The following MCFD2 variants were observed in gnomAD, a reference collection of about 807,000 sequenced individuals.
MCFD2 encodes the protein multiple coagulation factor deficiency 2, ER cargo receptor complex subunit, also known as multiple coagulation factor deficiency protein 2.
MCFD2 carries 11 observed loss-of-function variants against 12.8 expected under a neutral mutation model. The ratio of observed to expected loss-of-function variants is 0.86; its 90% confidence interval spans 0.54 to 1.42. The LOEUF is 1.42. Ranked by LOEUF, MCFD2 falls within the 40% of genes most tolerant of loss-of-function variation. The probability of loss-of-function intolerance (pLI) is 0.00; values close to 1 mark genes in which losing one functional copy is unlikely to be tolerated. For missense variants in MCFD2, 191 were observed against 178.6 expected, an observed-to-expected ratio of 1.07 and a Z score of -0.40; for synonymous variants, 70 against 68.1, an observed-to-expected ratio of 1.03 and a Z score of -0.14.
intron 1 of MCFD2, among the ~76,000 whole-genome samples, chr2:46,935,760 G>C (rs1221991786): frequency 6.6e-6 from 1 of 152,126 alleles, no homozygotes; most frequent in South Asian, 2.1e-4. Flanking sequence ...AATGAGAGAT[G>C]CAAGTCTTGT....
In MCFD2 at chr2:46,909,113, C is replaced by G; in HGVS notation, c.59G>C (p.Cys20Ser). Residue 20 changes from cysteine to serine, a missense_variant, in exon 2 of 4, where the codon TGT becomes TCT. Transcript: ENST00000319466. ...PFLCGLLWAF[C>S]APGARAEEPA... ...CTCCTCAGCCCTGGCGCCTGGGGCA[C>G]AAAAGGCCCAGAGCAGGCCACACAG... The G allele has an allele frequency of 6.2e-7, 1 of 1,614,208 alleles. No individual in the cohort carries two copies. Among genetic ancestry groups the G allele is most frequent in the Non-Finnish European group, 8.5e-7 (1 of 1,180,046 alleles).
intron 1 of MCFD2, among the ~76,000 whole-genome samples, chr2:46,933,683 C>T (rs147453987): frequency 2.0e-5 from 3 of 152,342 alleles, no homozygotes; most frequent in Non-Finnish European, 4.4e-5. Context: ...GAGCCATGCA[C>T]ATGACTACAT....
rs1377121838 is a variant in MCFD2, at chr2:46,903,477, G to A, written c.*1986C>T. 6.6e-6 allele frequency: 1 copy of A among 152,414 alleles called. No homozygotes were observed. The highest frequency in any genetic ancestry group is 6.5e-5 in the Admixed American group (1 of 15,284). The allele number at this position is 152,414 out of a possible 1,614,324, so 9.4% of individuals were successfully genotyped here. A position where few individuals can be genotyped will look rare whatever the true frequency, so the allele number is the denominator to read the frequency against. On this transcript the variant is annotated 3_prime_UTR_variant, in exon 4 of 4. Coordinates refer to ENST00000319466, the MANE Select transcript of MCFD2 (RefSeq NM_139279.6). ...AGGGCTCAGAAGAAAACAGGAAAAT[G>A]TGGGAAAGTTTGGAACTTCCTACAG...
At chr2:46,927,133 G>A (rs972400230) in intron 1 of MCFD2, among the ~76,000 whole-genome samples, 2 of 152,048 alleles carry the variant, frequency 1.3e-5, no homozygotes, top group Admixed American at 6.6e-5. Flanking sequence ...TTACTTGTAT[G>A]TAGTTGGAGT....
chr2:46,920,528 A>C (rs1669049168), upstream of MCFD2, among the ~76,000 whole-genome samples: 1 of 151,698 alleles, frequency 6.6e-6, no homozygotes, highest in Admixed American at 6.6e-5. Flanking sequence ...ATGGGGTTTC[A>C]CCATGTTGGC....
rs1668160546 is a variant in MCFD2 at position 46,905,041 on chromosome 2, A to G, written c.*422T>C. 1 of 306,058 alleles carries G rather than the reference A, an allele frequency of 3.3e-6. No homozygotes were observed. The highest frequency in any genetic ancestry group is 3.4e-5 in the South Asian group (1 of 29,776). 19.0% of individuals were successfully genotyped at this position (306,058 alleles called of 1,614,324 possible). On this transcript the variant is annotated 3_prime_UTR_variant, in exon 4 of 4. Coordinates refer to ENST00000319466, the MANE Select transcript of MCFD2 (RefSeq NM_139279.6). ...GTTTCACAAGATCTGATGGCTTATCAGGGGTTTCCACTTTTGCTTCTTCCT... is the reference window on the plus strand; with the variant it reads ...GTTTCACAAGATCTGATGGCTTATCGGGGGTTTCCACTTTTGCTTCTTCCT...
Position 46,935,203 on chromosome 2 carries a change from A to T in MCFD2, c.-8+6369T>A, listed in dbSNP as rs890172994. Among the ~76,000 whole-genome samples the T allele has an allele frequency of 3.9e-5, 6 of 152,084 alleles. No individual in the cohort carries two copies. In the East Asian group the frequency reaches 9.6e-4, roughly 24 times the overall value. On this transcript the variant is annotated intron_variant, in intron 1 of 2. Transcript: ENST00000409147. Reference sequence around the variant, plus strand: ...TTGTCCCTGCTGGAAAAGAGCTGTGAAGGGGTCAGGCGTGTGTGGAGGAAC... The same window carrying T: ...TTGTCCCTGCTGGAAAAGAGCTGTGTAGGGGTCAGGCGTGTGTGGAGGAAC...
upstream of MCFD2, chr2:46,915,954 C>T: frequency 1.0e-6 from 1 of 985,446 alleles, no homozygotes; most frequent in Non-Finnish European, 1.2e-6. Context: ...GGGCCCAGCA[C>T]TGGCGGGACT....
At chr2:46,917,199 GTGCC>G (rs1558469323), upstream of MCFD2, 1 of 699,964 alleles carries the variant, frequency 1.4e-6, no homozygotes, top group South Asian at 1.5e-5. Flanking sequence ...AGTCTCCATG[GTGCC>G]CAGCTCGTCT....
chr2:46,918,389 G>A (rs1480509304), upstream of MCFD2, among the ~76,000 whole-genome samples: 2 of 152,200 alleles, frequency 1.3e-5, no homozygotes, highest in African/African-American at 4.8e-5. Flanking sequence ...AGTAGTAGAT[G>A]ATGCTGCTGG....
chr2:46,905,215 A>G lies in MCFD2; in HGVS notation c.*248T>C, dbSNP rs1474980396. 4.0e-6 allele frequency: 2 copies of G among 506,094 alleles called. No individual in the cohort carries two copies. Among genetic ancestry groups the G allele is most frequent in the South Asian group, 1.9e-5 (1 of 51,570 alleles). 31.4% of individuals were successfully genotyped at this position (506,094 alleles called of 1,614,324 possible). A position where few individuals can be genotyped will look rare whatever the true frequency, so the allele number is the denominator to read the frequency against. ...TTTATCAGCAGCATTAATACAGACT[A>G]ATACAGATGCTTGAAGCAAGCCCTT... On this transcript the variant is annotated 3_prime_UTR_variant, in exon 4 of 4. Coordinates refer to ENST00000319466, the MANE Select transcript of MCFD2 (RefSeq NM_139279.6).
upstream of MCFD2, chr2:46,915,825 C>T (rs1281793547): frequency 2.5e-6 from 1 of 396,244 alleles, no homozygotes; most frequent in African/African-American, 2.1e-5. Context: ...CCCCCCCCCC[C>T]CCGACCTGCC....
rs201005763 is a variant in MCFD2 at position 46,909,099 on chromosome 2, T to G, written c.73A>C (p.Arg25=). 13 of 1,614,184 alleles carry G rather than the reference T, an allele frequency of 8.1e-6. No homozygotes were observed. The East Asian group carries it at 2.9e-4, about 36-fold the overall frequency. ...AAGCTGGCTGCAGGCTCCTCAGCCC[T>G]GGCGCCTGGGGCACAAAAGGCCCAG... The part of the protein sequence containing the change: ...LLWAFCAPGA[R]AEEPAASFSQ... The change falls in exon 2 of 4, where the codon AGG becomes CGG. Residue 25 remains arginine, a synonymous_variant. Coordinates refer to ENST00000319466, the MANE Select transcript of MCFD2 (RefSeq NM_139279.6).
rs1670257199 is a variant in MCFD2, at chr2:46,940,724, CAG to C, written c.-8+846_-8+847del. On this transcript the variant is annotated intron_variant, in intron 1 of 2. Coordinates refer to the MCFD2 transcript ENST00000409147. The surrounding 1 kb of genome is among the most constrained non-coding windows in gnomAD (Gnocchi z 4.7). ...CAAATGCTCCCAGCAGAGGGGCGTC[CAG>C]AGAGTCGCGGGCCTGGGAACGGGCC... 6.6e-6 allele frequency among the ~76,000 whole-genome samples: 1 copy of C among 152,226 alleles called. No homozygotes were observed.
intron 1 of MCFD2, among the ~76,000 whole-genome samples, chr2:46,923,890 G>A (rs1669243535): frequency 2.6e-5 from 4 of 151,970 alleles, no homozygotes; most frequent in Admixed American, 1.3e-4. Context: ...CTGCCACCAC[G>A]CCCAGCTAAT....
intron 1 of MCFD2, among the ~76,000 whole-genome samples, chr2:46,929,052 G>C (rs1669554154): frequency 6.6e-6 from 1 of 151,986 alleles, no homozygotes; most frequent in Non-Finnish European, 1.5e-5. Context: ...AATCTCAGCT[G>C]TTTGGTAGGT....
chr2:46,921,631 A>C (rs1669107352), intron 1 of MCFD2, among the ~76,000 whole-genome samples: 1 of 152,336 alleles, frequency 6.6e-6, no homozygotes, highest in Admixed American at 6.5e-5. Flanking sequence ...ATCAACAAAA[A>C]AAGGATCTGT....
intron 1 of MCFD2, among the ~76,000 whole-genome samples, chr2:46,924,058 A>C (rs756571835): frequency 2.6e-5 from 4 of 152,056 alleles, no homozygotes; most frequent in Non-Finnish European, 2.9e-5. Context: ...TTTAAAAAAT[A>C]GCCAGGCGTG....
upstream of MCFD2, chr2:46,916,199 G>T: frequency 1.0e-6 from 1 of 975,314 alleles, no homozygotes; most frequent in Non-Finnish European, 1.2e-6. Context: ...GGTTCGTCCT[G>T]CTGCAAGTTG....
Sources: gnomAD v4.1 joint callset for allele counts (sites outside exome capture counted in the v4.1 genomes callset) on GRCh38, gnomAD v4.1.1 for gene constraint, Gnocchi (gnomAD v3.1) non-coding constraint, MANE v1.5 for transcripts, NCBI Gene and HGNC (gene_info 2026-07-23, HGNC 2026-07-21) for gene names.